Variants in TTN observed in about 807,000 individuals in gnomAD.
The protein encoded by TTN is connectin.
Under a neutral mutation model 3,223.0 loss-of-function variants are expected in TTN, and 1,525 were observed. The observed-to-expected ratio is 0.47, with a 90% CI of 0.45 to 0.49. The LOEUF (loss-of-function observed/expected upper bound fraction) is 0.49, where lower values mean the gene tolerates loss of function less well. TTN is among the 20% of genes least tolerant of loss of function. The pLI, the probability that TTN is intolerant of heterozygous loss-of-function variation, is 0.00. For synonymous variants in TTN, 14,094 were observed against 15,161.0 expected (o/e 0.93, Z 5.17); for missense variants, 40,786 against 43,424.0 (o/e 0.94, Z 5.40).
At position 178,561,148 on chromosome 2, in the gene TTN, A is replaced by C. The variant is rs1703507521; in HGVS notation, c.84984T>G (p.Phe28328Leu). The change falls in exon 326 of 363, where the codon TTT becomes TTG. Residue 28328 changes from phenylalanine (F) to leucine (L), a missense_variant. By Grantham distance (22) the Phe-to-Leu change is conservative. Coordinates refer to ENST00000589042, the MANE Select transcript of TTN (RefSeq NM_001267550.2). ...TEDQRYEFRV[F>L]ARNAADSVSE... Reference sequence around the variant, plus strand: ...TAACTGAGTCAGCAGCATTCCTTGCAAAAACCCGGAATTCATAACGCTGAT... The same window carrying C: ...TAACTGAGTCAGCAGCATTCCTTGCCAAAACCCGGAATTCATAACGCTGAT... 6.2e-7 allele frequency: 1 copy of C among 1,613,754 alleles called. No homozygotes were observed. Among genetic ancestry groups the C allele is most frequent in the African/African-American group, 1.3e-5 (1 of 75,046 alleles).
At position 178,539,675 on chromosome 2, in the gene TTN, T is replaced by C. The variant is rs149001703; in HGVS notation, c.98390A>G (p.Asn32797Ser). Residue 32797 changes from asparagine (N) to serine (S), a missense_variant, in exon 352 of 363, where the codon AAC (asparagine) becomes AGC (serine). Physicochemically the swap from Asn to Ser is conservative, Grantham distance 46. Coordinates refer to ENST00000589042, the MANE Select transcript of TTN (RefSeq NM_001267550.2). ...YIKVRVIGSP[N>S]SPEGPLEYDD... ...ATATTCCAGTGGCCCTTCTGGACTGTTGGGACTTCCTATCACCCTGACCTT... is the reference window on the plus strand; with the variant it reads ...ATATTCCAGTGGCCCTTCTGGACTGCTGGGACTTCCTATCACCCTGACCTT... The C allele has an allele frequency of 5.9e-3, 9,601 of 1,613,684 alleles. 39 individuals carry two copies. The highest frequency in any genetic ancestry group is 0.01 in the Middle Eastern group (63 of 6,060).
chr2:178,719,038 G>A (rs2077935871), intron 83 of TTN, 65 bp from the exon 84 acceptor site: 8 of 1,517,772 alleles, frequency 5.3e-6, no homozygotes, highest in Non-Finnish European at 6.2e-6. Context: ...AAGTGCTTTT[G>A]CTCCTTAAAA....
At position 178,717,942 on chromosome 2, in the gene TTN, C is replaced by G; in HGVS notation, c.25063+1G>C. Reference sequence around the variant, plus strand: ...CACACTAGGTTAAACAACACCATCACCTTTGATAACAAGCACAGCTGAAGA... The same window carrying G: ...CACACTAGGTTAAACAACACCATCAGCTTTGATAACAAGCACAGCTGAAGA... On this transcript the variant is annotated splice_donor_variant, in intron 86 of 362. Transcript: ENST00000589042. LOFTEE classifies it high-confidence loss of function. The G allele has an allele frequency of 6.2e-7, 1 of 1,610,446 alleles. No individual in the cohort carries two copies. The highest frequency in any genetic ancestry group is 1.1e-5 in the South Asian group (1 of 90,866).
rs1023713962 is a variant in TTN, at chr2:178,757,781, T to A, written c.10439A>T (p.Glu3480Val). 26 of 1,613,774 alleles carry A rather than the reference T, an allele frequency of 1.6e-5. No individual in the cohort carries two copies. The highest frequency in any genetic ancestry group is 2.2e-5 in the Non-Finnish European group (26 of 1,179,738). Residue 3480 changes from glutamate to valine, a missense_variant, in exon 45 of 363, where the codon GAG becomes GTG. Physicochemically the swap from Glu to Val is moderately radical, Grantham distance 121. Coordinates refer to ENST00000589042, the MANE Select transcript of TTN (RefSeq NM_001267550.2). ...AACCCTCGCATGAAATCTGACTGTC[T>A]CCCCGTTGTGCACCCTGAGGCTTGA... ...PLSSLRVHNGETVRFHARVSG... is the reference protein window; with the variant it reads ...PLSSLRVHNGVTVRFHARVSG...
At chr2:178,660,545 T>G (rs1462769635) in intron 180 of TTN, among the ~76,000 whole-genome samples, 1 of 134,830 alleles carries the variant, frequency 7.4e-6, no homozygotes, top group Non-Finnish European at 1.6e-5. Flanking sequence ...GAGTAAAGAC[T>G]TAAATGTTAG....
rs777505893 is a variant in TTN at position 178,604,109 on chromosome 2, T to C, written c.54578A>G (p.Asn18193Ser). 79 of 1,612,522 alleles carry C rather than the reference T, an allele frequency of 4.9e-5. No individual in the cohort carries two copies. The highest frequency in any genetic ancestry group is 6.4e-5 in the Non-Finnish European group (75 of 1,179,066). Residue 18193 changes from asparagine (N) to serine (S), a missense_variant, in exon 282 of 363, where the codon AAT (asparagine) becomes AGT (serine). Coordinates refer to ENST00000589042, the MANE Select transcript of TTN (RefSeq NM_001267550.2). ...MLVSWTPPLD[N>S]GGSPITGYWL... ...GTAGCCAGTAATTGGAGAGCCACCA[T>C]TGTCCAAAGGAGGAGTCCAGCTCAC...
chr2:178,527,274 T>C lies in TTN; in HGVS notation c.107714A>G (p.Asp35905Gly), dbSNP rs1558955826. ...IPPKIEALPS[D>G]ISIDEGKVLT... ...AACTTTGCCTTCATCAATGCTGATATCAGATGGAAGAGCTTCAATTTTAGG... is the reference window on the plus strand; with the variant it reads ...AACTTTGCCTTCATCAATGCTGATACCAGATGGAAGAGCTTCAATTTTAGG... The change falls in exon 363 of 363, where the codon GAT (aspartate) becomes GGT (glycine). Residue 35905 changes from aspartate to glycine, a missense_variant. Asp to Gly is a moderately conservative substitution (Grantham distance 94). Transcript: ENST00000589042. The C allele has an allele frequency of 6.2e-7, 1 of 1,606,878 alleles. No individual in the cohort carries two copies. Among genetic ancestry groups the C allele is most frequent in the Non-Finnish European group, 8.5e-7 (1 of 1,174,788 alleles).
chr2:178,704,779 T>C lies in TTN; in HGVS notation c.29695-2A>G. On this transcript the variant is annotated splice_acceptor_variant, in intron 104 of 362. Transcript: ENST00000589042. LOFTEE classifies it high-confidence loss of function. ...AATGTCCTTGATCAGAGTGACAGGC[T>C]AGGAGAATAAAGAATTAAAACACAT... The C allele has an allele frequency of 6.2e-7, 1 of 1,607,938 alleles. No individual in the cohort carries two copies. Among genetic ancestry groups the C allele is most frequent in the Non-Finnish European group, 8.5e-7 (1 of 1,177,924 alleles).
Position 178,559,941 on chromosome 2 carries a change from C to A in TTN, c.86191G>T (p.Val28731Phe). ...YVFRVKSVNKVGASDPSDSSD... is the reference protein window; with the variant it reads ...YVFRVKSVNKFGASDPSDSSD... Reference sequence around the variant, plus strand: ...CTATCACTGGGGTCACTAGCACCAACCTTATTGACAGATTTTACTCTGAAA... The same window carrying A: ...CTATCACTGGGGTCACTAGCACCAAACTTATTGACAGATTTTACTCTGAAA... The change falls in exon 326 of 363, where the codon GTT becomes TTT. Residue 28731 changes from valine (V) to phenylalanine (F), a missense_variant. By Grantham distance (50) the Val-to-Phe change is conservative (BLOSUM62 -1). Transcript: ENST00000589042. 1 of 1,613,788 alleles carries A rather than the reference C, an allele frequency of 6.2e-7. No individual in the cohort carries two copies. The highest frequency in any genetic ancestry group is 1.1e-5 in the South Asian group (1 of 91,080).
Position 178,548,555 on chromosome 2 carries a change from G to A in TTN, c.93071C>T (p.Thr31024Ile). ...LDTPGPPGPI[T>I]FKDVTRGSAT... The stretch of plus-strand genomic sequence containing the variant: ...AGATCCCCGGGTCACATCTTTGAAG[G>A]TAATTGGGCCAGGTGGGCCTGGAGT... Residue 31024 changes from threonine (T) to isoleucine (I), a missense_variant, in exon 339 of 363, where the codon ACC becomes ATC. Thr to Ile is a moderately conservative substitution (Grantham distance 89, BLOSUM62 -1). Coordinates refer to ENST00000589042, the MANE Select transcript of TTN (RefSeq NM_001267550.2). This position sits in a 1 kb window ranked among gnomAD's most constrained non-coding sequence, Gnocchi z 4.3. 1 of 1,613,882 alleles carries A rather than the reference G, an allele frequency of 6.2e-7. No individual in the cohort carries two copies. Among genetic ancestry groups the A allele is most frequent in the Non-Finnish European group, 8.5e-7 (1 of 1,179,802 alleles).
intron 83 of TTN, 73 bp from the exon 84 acceptor site, chr2:178,719,046 A>T: frequency 6.6e-7 from 1 of 1,518,818 alleles, no homozygotes; most frequent in Non-Finnish European, 8.8e-7. Flanking sequence ...TTGCTCCTTA[A>T]AAAAAGGGAG....
At chr2:178,762,533 ATAGT>A (rs1343287779) in intron 43 of TTN, among the ~76,000 whole-genome samples, 1 of 152,226 alleles carries the variant, frequency 6.6e-6, no homozygotes, top group Non-Finnish European at 1.5e-5. Context: ...CTATACCAAT[ATAGT>A]TAAGACAAAT....
rs767710865 is a variant in TTN, at chr2:178,720,493, T to A, written c.23269A>T (p.Thr7757Ser). ...TCAAGATTAAGGATATGAAGACTTG[T>A]ATCAAAATGTTTTGAAGTGATTTTA... ...KFKITSKHFD[T>S]SLHILNLEAS... Residue 7757 changes from threonine (T) to serine (S), a missense_variant, in exon 80 of 363, where the codon ACA becomes TCA. Physicochemically the swap from Thr to Ser is moderately conservative, Grantham distance 58. Transcript: ENST00000589042. The A allele has an allele frequency of 1.4e-5, 22 of 1,613,722 alleles. No individual in the cohort carries two copies. In the East Asian group the frequency reaches 4.9e-4, roughly 36 times the overall value.
Position 178,593,101 on chromosome 2 carries a change from A to G in TTN, c.59036-18T>C. The G allele has an allele frequency of 6.2e-7, 1 of 1,611,230 alleles. No individual in the cohort carries two copies. Among genetic ancestry groups the G allele is most frequent in the South Asian group, 1.1e-5 (1 of 90,544 alleles). ...TGGTTTAGCTAAAAAATAAAAGTAA[A>G]AAACGAATTAGCATATAGCTGAAAA... On this transcript the variant is annotated intron_variant, in intron 299 of 362. Coordinates refer to ENST00000589042, the MANE Select transcript of TTN (RefSeq NM_001267550.2).
At chr2:178,558,862 A>C (rs1416807685) in intron 326 of TTN, 2 of 523,288 alleles carry the variant, frequency 3.8e-6, no homozygotes, top group Non-Finnish European at 3.3e-6. Flanking sequence ...GGGTAAAATG[A>C]CCAGATTAAA....
In TTN at chr2:178,594,426, C is replaced by G; in HGVS notation, c.58068G>C (p.Glu19356Asp). 7 of 1,612,682 alleles carry G rather than the reference C, an allele frequency of 4.3e-6. No homozygotes were observed. The highest frequency in any genetic ancestry group is 5.9e-6 in the Non-Finnish European group (7 of 1,179,274). The change falls in exon 296 of 363, where the codon GAG becomes GAC. Residue 19356 changes from glutamate to aspartate, a missense_variant. Transcript: ENST00000589042. ...CAATGTTGACAGCACTGACACGGTA[C>G]TCATAGGTATCACCTTCTTTTAAGC... The part of the protein sequence containing the change: ...VKGLKEGDTY[E>D]YRVSAVNIVG...
chr2:178,749,087 G>A, intron 47 of TTN: 1 of 1,612,836 alleles, frequency 6.2e-7, no homozygotes, highest in South Asian at 1.1e-5. Flanking sequence ...ATATACAATG[G>A]CAGATGAATC....
chr2:178,573,209 G>C lies in TTN; in HGVS notation c.72923C>G (p.Pro24308Arg), dbSNP rs1553608507. The change falls in exon 326 of 363, where the codon CCA (proline) becomes CGA (arginine). Residue 24308 changes from proline (P) to arginine (R), a missense_variant. Pro to Arg is a moderately radical substitution (Grantham distance 103). Coordinates refer to ENST00000589042, the MANE Select transcript of TTN (RefSeq NM_001267550.2). ...MAENAAGISA[P>R]SPTSPFYKAC... ...CTTGTAAAATGGACTGGTAGGACTT[G>C]GTGCACTAATTCCAGCAGCATTTTC... The C allele has an allele frequency of 1.2e-6, 2 of 1,607,318 alleles. No homozygotes were observed. The highest frequency in any genetic ancestry group is 1.7e-4 in the Middle Eastern group (1 of 6,022).
rs953844270 is a variant in TTN at position 178,678,293 on chromosome 2, T to C, written c.33911-85A>G. On this transcript the variant is annotated intron_variant, in intron 144 of 362. Transcript: ENST00000589042. ...ATATGAAAAAGAATCACAAAATATC[T>C]GACATATTTCTAACCAGATAGACAC... is the stretch of plus-strand genomic sequence containing the variant. 11 of 1,525,086 alleles carry C rather than the reference T, an allele frequency of 7.2e-6. No homozygotes were observed. The African/African-American group carries it at 1.4e-4, about 20-fold the overall frequency. 94.5% of individuals were successfully genotyped at this position (1,525,086 alleles called of 1,614,324 possible).
Sources: allele counts gnomAD v4.1 joint callset (sites outside exome capture counted in the v4.1 genomes callset), GRCh38; gene constraint gnomAD v4.1.1; non-coding constraint Gnocchi (gnomAD v3.1); transcripts MANE v1.5; gene names NCBI Gene and HGNC (gene_info 2026-07-23, HGNC 2026-07-21).